The following BRCA1 variants were observed in gnomAD, a reference collection of about 807,000 sequenced individuals.
The protein encoded by BRCA1 is breast cancer type 1 susceptibility protein.
BRCA1 carries 140 observed loss-of-function variants against 173.7 expected under a neutral mutation model. The observed-to-expected ratio is 0.81, with a 90% CI of 0.70 to 0.93. The LOEUF is 0.93. Ranked by LOEUF, BRCA1 falls within the 40% of genes least tolerant of loss-of-function variation. BRCA1 has a pLI of 0.00. For missense variants in BRCA1, 1,983 were observed against 2,172.5 expected, an observed-to-expected ratio of 0.91 and a Z score of 1.73; for synonymous variants, 662 against 756.0, an observed-to-expected ratio of 0.88 and a Z score of 2.04.
chr17:43,125,400 T>C (rs2055839179), upstream of BRCA1: 2 of 394,734 alleles, frequency 5.1e-6, no homozygotes, highest in Non-Finnish European at 5.1e-6. Context: ...TTAATTTATC[T>C]GTAATTCCCG....
In BRCA1 at chr17:43,094,556, C is replaced by T. The variant is rs786201624; in HGVS notation, c.975G>A (p.Lys325=). Residue 325 remains lysine, a synonymous_variant, in exon 10 of 23, where the codon AAG becomes AAA. Transcript: ENST00000357654. ...GAGTCCGCCTATCATTACATGTTTCCTTACTTCCAGCCCATCTGTTATGTT... is the reference window on the plus strand; with the variant it reads ...GAGTCCGCCTATCATTACATGTTTCTTTACTTCCAGCCCATCTGTTATGTT... The part of the protein sequence containing the change: ...RSQHNRWAGS[K]ETCNDRRTPS... 9.9e-6 allele frequency: 16 copies of T among 1,614,038 alleles called. No homozygotes were observed. The highest frequency in any genetic ancestry group is 1.3e-5 in the African/African-American group (1 of 74,920).
At chr17:43,137,212 G>A (rs1298827036) in intron 1 of BRCA1, among the ~76,000 whole-genome samples, 1 of 145,748 alleles carries the variant, frequency 6.9e-6, no homozygotes, top group Non-Finnish European at 1.5e-5. Flanking sequence ...GTTCTCATAG[G>A]TGGGAACTGA....
At chr17:43,101,133 TTTCC>T (rs930089014) in intron 6 of BRCA1, among the ~76,000 whole-genome samples, 4 of 152,132 alleles carry the variant, frequency 2.6e-5, no homozygotes, top group South Asian at 2.1e-4. Flanking sequence ...TTACTTTTTT[TTTCC>T]TTCCTTTTTA....
intron 2 of BRCA1, among the ~76,000 whole-genome samples, chr17:43,119,915 TG>T (rs2055470957): frequency 1.3e-5 from 2 of 152,246 alleles, no homozygotes; most frequent in African/African-American, 4.8e-5. Flanking sequence ...AAAAAGGTAA[TG>T]AATGTTGAAG....
chr17:43,099,753 T>C (rs535382993), intron 7 of BRCA1, 22 bp downstream of exon 7: 1 of 1,561,408 alleles, frequency 6.4e-7, no homozygotes, highest in African/African-American at 1.4e-5. Flanking sequence ...TATTAAATAC[T>C]TAAAAAACCT....
intron 10 of BRCA1, 92 bp downstream of exon 10, chr17:43,091,343 G>A: frequency 1.3e-6 from 2 of 1,511,732 alleles, no homozygotes; most frequent in Non-Finnish European, 1.8e-6. Flanking sequence ...AACTATACTT[G>A]GAAATTTGTA....
chr17:43,091,282 T>G, intron 10 of BRCA1, 153 bp downstream of exon 10: 1 of 1,095,312 alleles, frequency 9.1e-7, no homozygotes, highest in Non-Finnish European at 1.3e-6. Context: ...CTTTTTTCTA[T>G]GAAAAGCACC....
chr17:43,168,300 A>T (rs1244245973), intron 1 of BRCA1: 2 of 379,256 alleles, frequency 5.3e-6, no homozygotes, highest in Non-Finnish European at 1.0e-5. Flanking sequence ...TGTATCTTTT[A>T]AAAAGGTTTA....
At chr17:43,116,988 C>G (rs575523120) in intron 2 of BRCA1, among the ~76,000 whole-genome samples, 4 of 152,314 alleles carry the variant, frequency 2.6e-5, no homozygotes, top group African/African-American at 9.6e-5. Flanking sequence ...ATAAACTAGA[C>G]TTACAGGCTT....
chr17:43,069,158 A>G (rs534027447), intron 15 of BRCA1, among the ~76,000 whole-genome samples: 93 of 152,320 alleles, frequency 6.1e-4, no homozygotes, highest in Admixed American at 1.4e-3. Flanking sequence ...AGCTAATGAC[A>G]TCCTCCCCCT....
rs779507799 is a variant in BRCA1 at position 43,091,481 on chromosome 17, G to A, written c.4050C>T (p.Gly1350=). ...LVSDDEERGT[G]LEENNQEEQS... is the part of the protein sequence containing the mutation. ...GCTCTTCTTGATTATTTTCTTCCAA[G>A]CCCGTTCCTCTTTCTTCATCATCTG... is the stretch of plus-strand genomic sequence containing the variant. Residue 1350 remains glycine (G), a synonymous_variant, in exon 10 of 23, where the codon GGC becomes GGT. Coordinates refer to ENST00000357654, the MANE Select transcript of BRCA1 (RefSeq NM_007294.4). 1.9e-6 allele frequency: 3 copies of A among 1,613,508 alleles called. No individual in the cohort carries two copies. The East Asian group carries it at 6.7e-5, about 36-fold the overall frequency.
Position 43,045,361 on chromosome 17 carries a change from T to A in BRCA1, c.*317A>T. The A allele has an allele frequency of 1.7e-6, 1 of 591,762 alleles. No homozygotes were observed. Among genetic ancestry groups the A allele is most frequent in the Non-Finnish European group, 3.2e-6 (1 of 315,144 alleles). The allele number at this position is 591,762 out of a possible 1,614,324, so 36.7% of individuals were successfully genotyped here. A position where few individuals can be genotyped will look rare whatever the true frequency, so the allele number is the denominator to read the frequency against. ...AGCCCTAAGCCAACAACAGCCTGAA[T>A]AGAAAGAATAGGGCTGATAAATAAT... On this transcript the variant is annotated 3_prime_UTR_variant, in exon 23 of 23. Coordinates refer to ENST00000357654, the MANE Select transcript of BRCA1 (RefSeq NM_007294.4).
chr17:43,059,966 C>T (rs577231253), intron 18 of BRCA1, among the ~76,000 whole-genome samples: 59 of 152,080 alleles, frequency 3.9e-4, no homozygotes, highest in African/African-American at 1.3e-3. Flanking sequence ...AGTGCAGTGG[C>T]GCAATCTCAG....
intron 12 of BRCA1, 78 bp from the exon 13 acceptor site, chr17:43,076,692 T>C (rs2154076149): frequency 6.4e-7 from 1 of 1,553,808 alleles, no homozygotes; most frequent in East Asian, 2.3e-5. Flanking sequence ...ATACTGATTT[T>C]TTTCAAAAGC....
chr17:43,055,603 G>A (rs1258533118), intron 19 of BRCA1, among the ~76,000 whole-genome samples: 1 of 152,200 alleles, frequency 6.6e-6, no homozygotes, highest in African/African-American at 2.4e-5. Context: ...TGGCCAACAT[G>A]TTGAAACCTT....
intron 2 of BRCA1, among the ~76,000 whole-genome samples, chr17:43,120,270 T>G (rs1034904762): frequency 2.0e-5 from 3 of 152,218 alleles, no homozygotes; most frequent in African/African-American, 7.2e-5. Context: ...AGAAGGAATT[T>G]TAGTTCAAGA....
intron 14 of BRCA1, among the ~76,000 whole-genome samples, chr17:43,072,251 T>G (rs1226530565): frequency 1.3e-5 from 2 of 151,316 alleles, no homozygotes; most frequent in Non-Finnish European, 2.9e-5. Flanking sequence ...TAGCCGGGCG[T>G]GGTGGTGCAT....
rs1264366114 is a variant in BRCA1 at position 43,099,916 on chromosome 17, T to G, written c.442-36A>C. On this transcript the variant is annotated intron_variant, in intron 6 of 22. Transcript: ENST00000357654. ...TGGTAAAGAACAGTCAAGCAATTGT[T>G]GGCCAGTTCTGTGCTTTTCCTCCTG... 2.0e-6 allele frequency: 3 copies of G among 1,490,334 alleles called. No individual in the cohort carries two copies. In the Admixed American group the frequency reaches 5.0e-5, roughly 25 times the overall value. The allele number at this position is 1,490,334 out of a possible 1,614,324, so 92.3% of individuals were successfully genotyped here.
chr17:43,100,738 GT>G (rs1166121327), intron 6 of BRCA1, among the ~76,000 whole-genome samples: 25 of 91,674 alleles, frequency 2.7e-4, no homozygotes, highest in East Asian at 6.3e-4. Context: ...GTGTATATAT[GT>G]TTTTTTTTTT....
Sources: gnomAD v4.1 joint callset for allele counts (sites outside exome capture counted in the v4.1 genomes callset) on GRCh38, gnomAD v4.1.1 for gene constraint, MANE v1.5 for transcripts, NCBI Gene and HGNC (gene_info 2026-07-23, HGNC 2026-07-21) for gene names.